SLC25A15: variants seen among roughly 807,000 people sequenced by gnomAD.
The protein encoded by SLC25A15 is solute carrier family 25 member 15.
Under a neutral mutation model 32.3 loss-of-function variants are expected in SLC25A15, and 24 were observed. That is an observed-to-expected ratio of 0.74 (90% CI 0.54 to 1.04). The LOEUF (loss-of-function observed/expected upper bound fraction) is 1.04. SLC25A15 is among the 50% of genes least tolerant of loss of function. SLC25A15 has a pLI of 0.00. For missense variants in SLC25A15, 317 were observed against 374.5 expected, an observed-to-expected ratio of 0.85 and a Z score of 1.27; for synonymous variants, 132 against 142.1, an observed-to-expected ratio of 0.93 and a Z score of 0.51.
rs772900961 is a variant in SLC25A15 at position 40,808,453 on chromosome 13, T to C, written c.638T>C (p.Met213Thr). ...TTTTCTCTAGGCCCTGTACCTTTGATGTTAAGTGGTGGAGTTGGTGGGATT... is the reference window on the plus strand; with the variant it reads ...TTTTCTCTAGGCCCTGTACCTTTGACGTTAAGTGGTGGAGTTGGTGGGATT... ...SKDELGPVPLMLSGGVGGICL... is the reference protein window; with the variant it reads ...SKDELGPVPLTLSGGVGGICL... Residue 213 changes from methionine (M) to threonine (T), a missense_variant, in exon 6 of 7, where the codon ATG (methionine) becomes ACG (threonine). Physicochemically the swap from Met to Thr is moderately conservative, Grantham distance 81. Transcript: ENST00000338625. 1.5e-5 allele frequency: 24 copies of C among 1,613,392 alleles called. No individual in the cohort carries two copies. Among genetic ancestry groups the C allele is most frequent in the Non-Finnish European group, 1.9e-5 (23 of 1,179,824 alleles).
intron 3 of SLC25A15, among the ~76,000 whole-genome samples, chr13:40,802,751 T>C (rs556607620): frequency 6.6e-6 from 1 of 151,932 alleles, no homozygotes; most frequent in Non-Finnish European, 1.5e-5. Flanking sequence ...ATTTTTGTAT[T>C]TTAGTAGAGA....
chr13:40,804,990 C>G, intron 3 of SLC25A15, 128 bp from the exon 4 acceptor site: 2 of 1,056,146 alleles, frequency 1.9e-6, no homozygotes, highest in Non-Finnish European at 2.9e-6. Flanking sequence ...TCCTAAGTAG[C>G]TGTAATCACA....
At chr13:40,808,882 C>T (rs1159070747) in intron 6 of SLC25A15, among the ~76,000 whole-genome samples, 1 of 135,840 alleles carries the variant, frequency 7.4e-6, no homozygotes, top group Non-Finnish European at 1.5e-5. Flanking sequence ...TTGCAGTGAG[C>T]TGAGATTGCA....
chr13:40,798,673 C>A, intron 2 of SLC25A15: 1 of 695,924 alleles, frequency 1.4e-6, no homozygotes, highest in South Asian at 6.4e-5. Flanking sequence ...ATTTAATCCT[C>A]ACGCTAACCC....
Position 40,807,429 on chromosome 13 carries a change from C to T in SLC25A15, c.588C>T (p.Ser196=), listed in dbSNP as rs2138056870. Residue 196 remains serine, a synonymous_variant, in exon 5 of 7, where the codon TCC becomes TCT. Transcript: ENST00000338625. ...FFFGGYELSR[S]FFASGRSKDE... ...TCGGTGGCTATGAACTGAGCCGGTC[C>T]TTTTTTGCATCAGGGAGATCAAAAG... 1 of 1,614,132 alleles carries T rather than the reference C, an allele frequency of 6.2e-7. No individual in the cohort carries two copies. The highest frequency in any genetic ancestry group is 8.5e-7 in the Non-Finnish European group (1 of 1,180,010).
intron 6 of SLC25A15, among the ~76,000 whole-genome samples, 199 bp downstream of exon 6, chr13:40,808,795 C>T (rs1882306716): frequency 2.0e-5 from 3 of 151,872 alleles, no homozygotes; most frequent in East Asian, 1.9e-4. Flanking sequence ...ATCAGCCAGG[C>T]GTGGTGGCAG....
At chr13:40,794,959 G>A (rs754880008) in intron 2 of SLC25A15, among the ~76,000 whole-genome samples, 17 of 152,194 alleles carry the variant, frequency 1.1e-4, no homozygotes, top group Non-Finnish European at 1.9e-4. Context: ...GCGCGTCACC[G>A]TCACCGAGCC....
At position 40,809,994 on chromosome 13, in the gene SLC25A15, A is replaced by G. The variant is rs1317583503; in HGVS notation, c.*327A>G. On this transcript the variant is annotated 3_prime_UTR_variant, in exon 7 of 7. Coordinates refer to ENST00000338625, the MANE Select transcript of SLC25A15 (RefSeq NM_014252.4). ...ACGTAAACCTCCACTTGTACATGCA[A>G]TTTGGACAGTTATGTGTTGAGGGAA... 1.9e-5 allele frequency: 7 copies of G among 371,246 alleles called. No individual in the cohort carries two copies. Among genetic ancestry groups the G allele is most frequent in the Admixed American group, 3.9e-5 (1 of 25,502 alleles). The allele number at this position is 371,246 out of a possible 1,614,324, so 23.0% of individuals were successfully genotyped here. A position where few individuals can be genotyped will look rare whatever the true frequency, so the allele number is the denominator to read the frequency against.
chr13:40,804,839 G>C (rs145956484), intron 3 of SLC25A15, among the ~76,000 whole-genome samples: 8 of 151,764 alleles, frequency 5.3e-5, no homozygotes, highest in South Asian at 2.1e-4. Context: ...TGTGAGCCAC[G>C]GCGCCCGGCC....
At position 40,805,259 on chromosome 13, in the gene SLC25A15, A is replaced by G. The variant is rs1882127674; in HGVS notation, c.452+4A>G. 1 of 1,614,050 alleles carries G rather than the reference A, an allele frequency of 6.2e-7. No individual in the cohort carries two copies. The highest frequency in any genetic ancestry group is 1.3e-5 in the African/African-American group (1 of 74,942). ...GGAAGATAGCCAAGAGCCAGAAGTA[A>G]GCACCACTTGGGCACAAACGTCAGG... On this transcript the variant is annotated splice_donor_region_variant and intron_variant, in intron 4 of 6. Coordinates refer to ENST00000338625, the MANE Select transcript of SLC25A15 (RefSeq NM_014252.4).
At chr13:40,792,505 C>T (rs189900510) in intron 1 of SLC25A15, among the ~76,000 whole-genome samples, 3 of 152,368 alleles carry the variant, frequency 2.0e-5, no homozygotes, top group Non-Finnish European at 4.4e-5. Flanking sequence ...AAGATGCTTG[C>T]GCAGGGCCTT....
intron 2 of SLC25A15, among the ~76,000 whole-genome samples, chr13:40,794,687 C>G (rs1440980565): frequency 6.6e-6 from 1 of 152,126 alleles, no homozygotes; most frequent in Non-Finnish European, 1.5e-5. Flanking sequence ...AAGGAAAACC[C>G]TGGACTACCC....
At chr13:40,801,423 C>T (rs377515579) in intron 3 of SLC25A15, among the ~76,000 whole-genome samples, 20 of 152,032 alleles carry the variant, frequency 1.3e-4, no homozygotes, top group African/African-American at 4.8e-4. Context: ...ATAGCCCTCA[C>T]CGTGATCCTG....
intron 2 of SLC25A15, among the ~76,000 whole-genome samples, chr13:40,798,504 C>CCA (rs1213643761): frequency 6.6e-6 from 1 of 152,142 alleles, no homozygotes; most frequent in East Asian, 1.9e-4. Context: ...TTCCGTGGTG[C>CCA]CGGGTCTGAT....
chr13:40,809,826 C>A lies in SLC25A15; in HGVS notation c.*159C>A. On this transcript the variant is annotated 3_prime_UTR_variant, in exon 7 of 7. Coordinates refer to ENST00000338625, the MANE Select transcript of SLC25A15 (RefSeq NM_014252.4). ...CTACATCTTAAACTTTATGGAAGAA[C>A]CTCTATTTTGCATCATATCATTTCT... The A allele has an allele frequency of 1.4e-6, 1 of 704,520 alleles. No homozygotes were observed. The highest frequency in any genetic ancestry group is 1.6e-5 in the South Asian group (1 of 60,938). The allele number at this position is 704,520 out of a possible 1,614,324, so 43.6% of individuals were successfully genotyped here.
intron 1 of SLC25A15, among the ~76,000 whole-genome samples, chr13:40,792,600 A>G (rs1881551182): frequency 6.6e-6 from 1 of 152,108 alleles, no homozygotes; most frequent in Non-Finnish European, 1.5e-5. Flanking sequence ...GTTTTATAAT[A>G]TTTTTATTAT....
intron 2 of SLC25A15, among the ~76,000 whole-genome samples, chr13:40,797,837 T>G (rs1881718719): frequency 6.6e-6 from 1 of 152,224 alleles, no homozygotes; most frequent in Admixed American, 6.5e-5. Context: ...CTTTTGCATT[T>G]TGATGAAGCT....
In SLC25A15 at chr13:40,809,917, T is replaced by C. The variant is rs1882376104; in HGVS notation, c.*250T>C. The C allele has an allele frequency of 2.0e-6, 1 of 500,244 alleles. No homozygotes were observed. The highest frequency in any genetic ancestry group is 1.9e-5 in the African/African-American group (1 of 51,564). 31.0% of individuals were successfully genotyped at this position (500,244 alleles called of 1,614,324 possible). On this transcript the variant is annotated 3_prime_UTR_variant, in exon 7 of 7. Coordinates refer to ENST00000338625, the MANE Select transcript of SLC25A15 (RefSeq NM_014252.4). Reference sequence around the variant, plus strand: ...TCTTGGTAAAATATAGAGTGGTCAGTAGCCTTATGCACCTAATTCAAAAGG... The same window carrying C: ...TCTTGGTAAAATATAGAGTGGTCAGCAGCCTTATGCACCTAATTCAAAAGG...
intron 3 of SLC25A15, among the ~76,000 whole-genome samples, chr13:40,799,602 G>A (rs1171428309): frequency 6.6e-6 from 1 of 152,154 alleles, no homozygotes; most frequent in Non-Finnish European, 1.5e-5. Flanking sequence ...TATTTATGAA[G>A]TTATACATTG....
Sources: gnomAD v4.1 joint callset for allele counts (sites outside exome capture counted in the v4.1 genomes callset) on GRCh38, gnomAD v4.1.1 for gene constraint, MANE v1.5 for transcripts, NCBI Gene and HGNC (gene_info 2026-07-23, HGNC 2026-07-21) for gene names.